TMCO4: variants seen among roughly 807,000 people sequenced by gnomAD.
TMCO4 encodes the protein transmembrane and coiled-coil domain-containing protein 4.
In TMCO4, 58 loss-of-function variants were observed where a neutral mutation model predicts 64.7. The ratio of observed to expected loss-of-function variants is 0.90; its 90% CI spans 0.73 to 1.12. The LOEUF (loss-of-function observed/expected upper bound fraction) is 1.12, where lower values mean the gene tolerates loss of function less well. Among genes scored for constraint, TMCO4 ranks in the 50% most tolerant of loss-of-function variants. The pLI is 0.00. For synonymous variants in TMCO4, 325 were observed against 346.1 expected (o/e 0.94, Z 0.68); for missense variants, 780 against 825.9 (o/e 0.94, Z 0.68).
intron 13 of TMCO4, among the ~76,000 whole-genome samples, chr1:19,733,012 T>C (rs1400675367): frequency 6.6e-6 from 1 of 152,210 alleles, no homozygotes; most frequent in Non-Finnish European, 1.5e-5. Flanking sequence ...ACGCCTGTAA[T>C]GCCAGCACTT....
At chr1:19,779,237 T>C (rs2043348742) in intron 4 of TMCO4, among the ~76,000 whole-genome samples, 1 of 152,192 alleles carries the variant, frequency 6.6e-6, no homozygotes, top group Non-Finnish European at 1.5e-5. Flanking sequence ...TCAGTGCTCC[T>C]ACGCTCTCTT....
Position 19,740,910 on chromosome 1 carries a change from G to A in TMCO4, c.909C>T (p.Ala303=). The change falls in exon 11 of 16, where the codon GCC becomes GCT. Residue 303 remains alanine, a synonymous_variant. Transcript: ENST00000294543. ...RTFSAPWAAL[A]HSREQYCLAW... is the part of the protein sequence containing the mutation. ...CCAGGCAGTACTGCTCACGGCTGTG[G>A]GCCAGGGCAGCCCACGGGGCACTGA... 1.2e-6 allele frequency: 2 copies of A among 1,613,452 alleles called. No individual in the cohort carries two copies. Among genetic ancestry groups the A allele is most frequent in the Non-Finnish European group, 1.7e-6 (2 of 1,179,746 alleles).
At chr1:19,735,104 C>A (rs1441698688) in intron 13 of TMCO4, among the ~76,000 whole-genome samples, 1 of 152,158 alleles carries the variant, frequency 6.6e-6, no homozygotes, top group Non-Finnish European at 1.5e-5. Context: ...CTGGACTTCA[C>A]ATCTAATGTG....
At chr1:19,719,316 G>T (rs1184621707) in intron 13 of TMCO4, among the ~76,000 whole-genome samples, 3 of 152,170 alleles carry the variant, frequency 2.0e-5, no homozygotes, top group African/African-American at 7.2e-5. Context: ...GAGATGGAAG[G>T]TCTCACTACA....
chr1:19,694,523 G>A lies in TMCO4; in HGVS notation c.1411C>T (p.Arg471Cys), dbSNP rs145888681. 6.1e-5 allele frequency: 99 copies of A among 1,613,930 alleles called. No individual in the cohort carries two copies. The highest frequency in any genetic ancestry group is 7.5e-5 in the Non-Finnish European group (88 of 1,179,938). ...ACACGGAGCTGCACCGAGGATGTGC[G>A]GTACACGAAACTCAGCAGCCAGTCT... is the stretch of plus-strand genomic sequence containing the variant. Reference protein sequence around the residue: ...RGDWLLSFVYRTSSVQLRVAG... With the variant: ...RGDWLLSFVYCTSSVQLRVAG... Residue 471 changes from arginine (R) to cysteine (C), a missense_variant, in exon 15 of 16, where the codon CGC becomes TGC. Transcript: ENST00000294543.
At chr1:19,697,421 C>T (rs985153623) in intron 14 of TMCO4, among the ~76,000 whole-genome samples, 1 of 148,432 alleles carries the variant, frequency 6.7e-6, no homozygotes, top group Non-Finnish European at 1.5e-5. Flanking sequence ...CCATGCCTGG[C>T]TAATTTTTGT....
intron 13 of TMCO4, among the ~76,000 whole-genome samples, chr1:19,715,633 G>A (rs1328881772): frequency 2.0e-5 from 3 of 152,172 alleles, no homozygotes; most frequent in Non-Finnish European, 4.4e-5. Context: ...AGTTCTGCAC[G>A]AGCCCTCAAG....
Position 19,743,330 on chromosome 1 carries a change from G to A in TMCO4, c.877+2202C>T, listed in dbSNP as rs2041614509. Among the ~76,000 whole-genome samples, 1 of 152,132 alleles carries A rather than the reference G, an allele frequency of 6.6e-6. No individual in the cohort carries two copies. Among genetic ancestry groups the A allele is most frequent in the African/African-American group, 2.4e-5 (1 of 41,442 alleles). On this transcript the variant is annotated intron_variant, in intron 10 of 15. Transcript: ENST00000294543. The surrounding 1 kb of genome is among the most constrained non-coding windows in gnomAD (Gnocchi z 4.1). ...GAAGGGCTTGGTGGTTGGCTACAAA[G>A]TTTTTATCTTTATTGTACATAATCA...
rs1315662763 is a variant in TMCO4 at position 19,700,803 on chromosome 1, C to T, written c.1347G>A (p.Lys449=). ...GEAKHWEPFR[K]VVSGRIINGY... ...CGTTGATGATCCTCCCGGACACCAC[C>T]TTCCGGAAAGGCTCCCAATGCTTGG... The change falls in exon 14 of 16, where the codon AAG becomes AAA. Residue 449 remains lysine, a synonymous_variant. Transcript: ENST00000294543. The T allele has an allele frequency of 6.2e-7, 1 of 1,614,122 alleles. No homozygotes were observed. Among genetic ancestry groups the T allele is most frequent in the African/African-American group, 1.3e-5 (1 of 74,946 alleles).
At chr1:19,739,530 T>C (rs953335211) in intron 12 of TMCO4, among the ~76,000 whole-genome samples, 9 of 152,220 alleles carry the variant, frequency 5.9e-5, no homozygotes, top group Non-Finnish European at 1.0e-4. Context: ...AGCTGATACA[T>C]AGGAGCCACT....
At chr1:19,755,576 C>A in intron 7 of TMCO4, 58 bp downstream of exon 7, 1 of 1,605,072 alleles carries the variant, frequency 6.2e-7, no homozygotes, top group South Asian at 1.1e-5. Flanking sequence ...CTGTTATCTG[C>A]AAAGTACACT....
intron 2 of TMCO4, among the ~76,000 whole-genome samples, chr1:19,789,435 A>G (rs2043916643): frequency 2.0e-5 from 3 of 150,638 alleles, no homozygotes; most frequent in African/African-American, 7.5e-5. Context: ...AAATAACAAA[A>G]CATCTTTCAC....
At chr1:19,690,866 CTTTTTT>C (rs34764589) in intron 15 of TMCO4, among the ~76,000 whole-genome samples, 163 of 111,278 alleles carry the variant, frequency 1.5e-3, no homozygotes, top group Middle Eastern at 5.6e-3. Context: ...TGTGAAGACT[CTTTTTT>C]TTTTTTTTTT....
At chr1:19,735,922 T>C (rs2095452120) in intron 13 of TMCO4, among the ~76,000 whole-genome samples, 1 of 152,088 alleles carries the variant, frequency 6.6e-6, no homozygotes, top group African/African-American at 2.4e-5. Flanking sequence ...AAGGCTTCCC[T>C]GGGAAAAGTA....
At chr1:19,739,133 C>T (rs2095468487) in intron 12 of TMCO4, among the ~76,000 whole-genome samples, 1 of 152,202 alleles carries the variant, frequency 6.6e-6, no homozygotes, top group Non-Finnish European at 1.5e-5. Context: ...TCTCCCACTT[C>T]CAGCCAAAAC....
chr1:19,793,782 G>A (rs1216577517), intron 2 of TMCO4, among the ~76,000 whole-genome samples: 2 of 152,204 alleles, frequency 1.3e-5, no homozygotes, highest in East Asian at 3.9e-4. Context: ...GCCCTGTGAT[G>A]TGTGCCTACA....
intron 13 of TMCO4, among the ~76,000 whole-genome samples, chr1:19,722,215 G>C (rs2095387966): frequency 1.3e-5 from 2 of 152,280 alleles, no homozygotes; most frequent in South Asian, 4.1e-4. Flanking sequence ...CTGAGTCTAG[G>C]AGTCCACAAT....
intron 6 of TMCO4, among the ~76,000 whole-genome samples, chr1:19,764,719 G>T (rs1156378091): frequency 6.6e-6 from 1 of 152,132 alleles, no homozygotes; most frequent in Non-Finnish European, 1.5e-5. Context: ...GCCAGGCGTG[G>T]TGGCACATGC....
At chr1:19,759,961 G>T (rs2042424767) in intron 6 of TMCO4, among the ~76,000 whole-genome samples, 1 of 152,094 alleles carries the variant, frequency 6.6e-6, no homozygotes, top group African/African-American at 2.4e-5. Flanking sequence ...AGGGTTCTGT[G>T]CTGTGGCCAC....
Sources: allele counts gnomAD v4.1 joint callset (sites outside exome capture counted in the v4.1 genomes callset), GRCh38; gene constraint gnomAD v4.1.1; non-coding constraint Gnocchi (gnomAD v3.1); transcripts MANE v1.5; gene names NCBI Gene and HGNC (gene_info 2026-07-23, HGNC 2026-07-21).